The following MGAT4C variants were observed in gnomAD, a reference collection of about 807,000 sequenced individuals.
MGAT4C encodes the protein alpha-1,3-mannosyl-glycoprotein 4-beta-N-acetylglucosaminyltransferase C.
Under a neutral mutation model 40.1 loss-of-function variants are expected in MGAT4C, and 19 were observed. The observed-to-expected ratio is 0.47, with a 90% confidence interval of 0.33 to 0.70. The LOEUF (loss-of-function observed/expected upper bound fraction) is 0.70, where lower values mean the gene tolerates loss of function less well. Ranked by LOEUF, MGAT4C falls within the 30% of genes least tolerant of loss-of-function variation. MGAT4C has a pLI of 0.02. For missense variants in MGAT4C, 491 were observed against 563.2 expected, an observed-to-expected ratio of 0.87 and a Z score of 1.30; for synonymous variants, 181 against 187.1, an observed-to-expected ratio of 0.97 and a Z score of 0.27.
At chr12:86,129,086 G>C (rs1054028412) in intron 1 of MGAT4C, among the ~76,000 whole-genome samples, 1 of 152,104 alleles carries the variant, frequency 6.6e-6, no homozygotes, top group African/African-American at 2.4e-5. Flanking sequence ...TGACTTTGGT[G>C]CAGAATAATT....
intron 2 of MGAT4C, among the ~76,000 whole-genome samples, chr12:86,667,519 T>A (rs917056433): frequency 3.9e-5 from 6 of 152,160 alleles, no homozygotes; most frequent in Admixed American, 2.0e-4. Flanking sequence ...AATGTGTAAA[T>A]AGCATCAGTT....
intron 1 of MGAT4C, among the ~76,000 whole-genome samples, chr12:86,180,612 C>T (rs552680605): frequency 6.6e-6 from 1 of 152,306 alleles, no homozygotes; most frequent in African/African-American, 2.4e-5. Flanking sequence ...GACCTGGAGT[C>T]AAAGGAGATC....
chr12:86,801,694 G>T (rs1430127312), intron 1 of MGAT4C, among the ~76,000 whole-genome samples: 1 of 151,672 alleles, frequency 6.6e-6, no homozygotes, highest in Non-Finnish European at 1.5e-5. Flanking sequence ...CAATTTCCAG[G>T]TATTACATTG....
intron 4 of MGAT4C, among the ~76,000 whole-genome samples, chr12:86,318,892 T>A (rs1443281723): frequency 6.6e-6 from 1 of 152,202 alleles, no homozygotes; most frequent in East Asian, 1.9e-4. Flanking sequence ...GTTTTATCTC[T>A]GACTTTTACC....
intron 1 of MGAT4C, among the ~76,000 whole-genome samples, chr12:86,766,547 C>G (rs1332630346): frequency 6.6e-6 from 1 of 151,848 alleles, no homozygotes. Flanking sequence ...CTCTCCACCC[C>G]AAATAAACAG....
chr12:86,146,311 T>A (rs1050975973), intron 1 of MGAT4C, among the ~76,000 whole-genome samples: 3 of 152,148 alleles, frequency 2.0e-5, no homozygotes, highest in African/African-American at 7.2e-5. Context: ...CTTGAGGGAA[T>A]CCACATGTCC....
At position 85,958,043 on chromosome 12, in the gene MGAT4C, G is replaced by C. The variant is rs368496818; in HGVS notation, c.*21246C>G. 3 of 132,424 alleles carry C rather than the reference G, an allele frequency of 2.3e-5. No homozygotes were observed. The highest frequency in any genetic ancestry group is 3.5e-5 in the Non-Finnish European group (2 of 57,546). The allele number at this position is 132,424 out of a possible 1,614,324, so 8.2% of individuals were successfully genotyped here. ...ACAGTTTTTCTAAGTGTTTTTGTGT[G>C]TGTGTGTGTGTGTGTGTGTGTGTGT... is the stretch of plus-strand genomic sequence containing the variant. On this transcript the variant is annotated 3_prime_UTR_variant, in exon 5 of 5. Transcript: ENST00000611864.
At position 86,782,171 on chromosome 12, in the gene MGAT4C, A is replaced by ATTTT. The variant is rs57791582; in HGVS notation, c.-261-54934_-261-54931dup. Among the ~76,000 whole-genome samples, 67 of 40,288 alleles carry ATTTT rather than the reference A, an allele frequency of 1.7e-3. 10 individuals carry two copies. Among genetic ancestry groups the ATTTT allele is most frequent in the African/African-American group, 3.9e-3 (44 of 11,400 alleles). 26.4% of individuals were successfully genotyped at this position (40,288 alleles called of 152,430 possible). A position where few individuals can be genotyped will look rare whatever the true frequency, so the allele number is the denominator to read the frequency against. The stretch of plus-strand genomic sequence containing the variant: ...CCACGCCTGGCTAAATGTTTTTTGT[A>ATTTT]TTTTTTTTTTTTTTTTTTTTTTTTT... On this transcript the variant is annotated intron_variant, in intron 1 of 7. Coordinates refer to the MGAT4C transcript ENST00000548651.
intron 2 of MGAT4C, among the ~76,000 whole-genome samples, chr12:86,010,630 G>A (rs1888363259): frequency 1.3e-5 from 2 of 152,072 alleles, no homozygotes; most frequent in Admixed American, 1.3e-4. Context: ...GTGAGCTGAG[G>A]TTGTGCCATT....
intron 4 of MGAT4C, among the ~76,000 whole-genome samples, chr12:86,303,662 T>C (rs10858411): frequency 0.86 from 129,251 of 149,690 alleles, 56,450 homozygotes; most frequent in East Asian, 1. Flanking sequence ...TTCTGGCTCT[T>C]GGTTTCTGCA....
At position 86,463,763 on chromosome 12, in the gene MGAT4C, T is replaced by C. The variant is rs186326978; in HGVS notation, c.-228-28498A>G. 4.4e-3 allele frequency among the ~76,000 whole-genome samples: 663 copies of C among 152,350 alleles called. 4 individuals carry two copies. The highest frequency in any genetic ancestry group is 5.7e-3 in the Non-Finnish European group (389 of 68,028). On this transcript the variant is annotated intron_variant, in intron 2 of 7. Transcript: ENST00000548651. ...ATAATGAATACAGTAGAGATAACTC[T>C]AATATAATCTTCCTCTTATATTAAT... is the stretch of plus-strand genomic sequence containing the variant.
intron 2 of MGAT4C, among the ~76,000 whole-genome samples, chr12:86,598,049 TACTTTTCTATGTAAAGAAAAGTA>T (rs879887427): frequency 2.1e-4 from 32 of 152,348 alleles, no homozygotes; most frequent in Non-Finnish European, 4.0e-4. Flanking sequence ...CTTTATACTT[TACTTTTCTATGTAAAGAAAAGTA>T]ACTTTTCTTT....
chr12:86,078,805 T>C (rs10863161), intron 1 of MGAT4C, among the ~76,000 whole-genome samples: 17,679 of 152,178 alleles, frequency 0.12, 2,526 homozygotes, highest in African/African-American at 0.34. Flanking sequence ...GTCCACAGAA[T>C]GGGTCATTCT....
intron 4 of MGAT4C, among the ~76,000 whole-genome samples, chr12:86,318,863 T>C (rs753981237): frequency 1.8e-4 from 28 of 152,300 alleles, no homozygotes; most frequent in Middle Eastern, 6.8e-3. Flanking sequence ...TTTATCACTC[T>C]CAAGAGGTGA....
intron 2 of MGAT4C, among the ~76,000 whole-genome samples, chr12:86,461,146 C>T (rs147796926): frequency 2.8e-4 from 42 of 151,946 alleles, no homozygotes; most frequent in Non-Finnish European, 5.1e-4. Flanking sequence ...GCATAAAATA[C>T]CTACTTTATA....
chr12:86,692,866 A>G (rs1489605956), intron 2 of MGAT4C, among the ~76,000 whole-genome samples: 1 of 152,116 alleles, frequency 6.6e-6, no homozygotes, highest in Non-Finnish European at 1.5e-5. Context: ...ATTGTTTGTT[A>G]CGGAATGTGC....
chr12:86,052,699 A>G (rs1893005486), intron 1 of MGAT4C, among the ~76,000 whole-genome samples: 1 of 151,990 alleles, frequency 6.6e-6, no homozygotes, highest in Admixed American at 6.6e-5. Context: ...CCTGAATCTT[A>G]AATCATGTAT....
At chr12:86,475,571 T>C (rs1378571004) in intron 2 of MGAT4C, among the ~76,000 whole-genome samples, 1 of 152,014 alleles carries the variant, frequency 6.6e-6, no homozygotes, top group African/African-American at 2.4e-5. Flanking sequence ...ACAGAATCTA[T>C]ATGTTGTATA....
At chr12:86,346,880 G>A (rs949194892) in intron 3 of MGAT4C, among the ~76,000 whole-genome samples, 1 of 152,148 alleles carries the variant, frequency 6.6e-6, no homozygotes, top group Non-Finnish European at 1.5e-5. Context: ...GGAAAAAGGT[G>A]GAATAAGCAG....
Sources: gnomAD v4.1 joint callset for allele counts (sites outside exome capture counted in the v4.1 genomes callset) on GRCh38, gnomAD v4.1.1 for gene constraint, MANE v1.5 for transcripts, NCBI Gene and HGNC (gene_info 2026-07-23, HGNC 2026-07-21) for gene names.